WFDC11: variants seen among roughly 807,000 people sequenced by gnomAD.
WFDC11 encodes the protein WAP four-disulfide core domain 11.
In WFDC11, 9 loss-of-function variants were observed where a neutral mutation model predicts 9.9. That is an observed-to-expected ratio of 0.91 (90% CI 0.55 to 1.58). The LOEUF (loss-of-function observed/expected upper bound fraction) is 1.58, where lower values mean the gene tolerates loss of function less well. WFDC11 is among the 40% of genes most tolerant of loss of function. The probability of loss-of-function intolerance (pLI) is 0.00; values close to 1 mark genes in which losing one functional copy is unlikely to be tolerated. For missense variants in WFDC11, 106 were observed against 101.7 expected (o/e 1.04, Z -0.18); for synonymous variants, 32 against 33.3 (o/e 0.96, Z 0.13).
At chr20:45,654,784 TC>T (rs1238892206) in intron 2 of WFDC11, among the ~76,000 whole-genome samples, 2 of 152,036 alleles carry the variant, frequency 1.3e-5, no homozygotes, top group Non-Finnish European at 2.9e-5. Flanking sequence ...CAAACTACCA[TC>T]AGAGAATACT....
Position 45,654,100 on chromosome 20 carries a change from C to G in WFDC11, c.-51-3449G>C, listed in dbSNP as rs189255485. Among the ~76,000 whole-genome samples the G allele has an allele frequency of 9.5e-3, 1,441 of 152,308 alleles. 12 individuals carry two copies. Among genetic ancestry groups the G allele is most frequent in the Non-Finnish European group, 0.014 (979 of 68,030 alleles). On this transcript the variant is annotated intron_variant, in intron 2 of 4. Transcript: ENST00000324384. ...GAGGACCTAATAGACATCTACAGAA[C>G]TCTCCACCCCAAATCAACAGAATAT...
intron 1 of WFDC11, among the ~76,000 whole-genome samples, chr20:45,669,255 G>T (rs16990515): frequency 0.014 from 2,128 of 152,060 alleles, 90 homozygotes; most frequent in Admixed American, 0.099. Flanking sequence ...CATGACCTTG[G>T]GTAACTCATT....
chr20:45,652,248 G>A (rs1255656423), intron 2 of WFDC11, among the ~76,000 whole-genome samples: 8 of 152,186 alleles, frequency 5.3e-5, no homozygotes, highest in East Asian at 1.9e-4. Context: ...CCAGAGGAAC[G>A]ATCAGGCAGC....
intron 4 of WFDC11, 121 bp downstream of exon 4, chr20:45,649,136 T>A: frequency 8.2e-7 from 1 of 1,213,666 alleles, no homozygotes; most frequent in East Asian, 2.3e-5. Context: ...GGACATTGTC[T>A]TCTGTTATTT....
chr20:45,667,939 C>T (rs1484241012), intron 1 of WFDC11, among the ~76,000 whole-genome samples: 1 of 152,212 alleles, frequency 6.6e-6, no homozygotes, highest in Non-Finnish European at 1.5e-5. Context: ...AAATATTTAA[C>T]ATGTATTAAC....
At chr20:45,655,084 A>G (rs1982896094) in intron 2 of WFDC11, among the ~76,000 whole-genome samples, 1 of 152,208 alleles carries the variant, frequency 6.6e-6, no homozygotes, top group African/African-American at 2.4e-5. Flanking sequence ...CCATTTTATG[A>G]GGCCAGCATC....
At position 45,666,235 on chromosome 20, in the gene WFDC11, C is replaced by T. The variant is rs144534693; in HGVS notation, c.-52+853G>A. Among the ~76,000 whole-genome samples the T allele has an allele frequency of 1.3e-3, 201 of 152,298 alleles. 1 individual carries two copies. Among genetic ancestry groups the T allele is most frequent in the African/African-American group, 4.7e-3 (197 of 41,568 alleles). The stretch of plus-strand genomic sequence containing the variant: ...GGTGTGGGACCCGCCAAGCCAGGCC[C>T]GGGAGAGAATCTCTTTGTCTGCCAG... On this transcript the variant is annotated intron_variant, in intron 2 of 4. Transcript: ENST00000324384.
intron 2 of WFDC11, among the ~76,000 whole-genome samples, chr20:45,663,791 A>G (rs1225908394): frequency 6.6e-6 from 1 of 152,174 alleles, no homozygotes. Flanking sequence ...GGTCTGAGAG[A>G]CAGTTTGTTG....
intron 2 of WFDC11, among the ~76,000 whole-genome samples, chr20:45,659,114 G>C (rs529419647): frequency 2.0e-5 from 3 of 152,196 alleles, no homozygotes; most frequent in Non-Finnish European, 4.4e-5. Flanking sequence ...GTCTATCATT[G>C]ATGGACATTT....
In WFDC11 at chr20:45,659,277, G is replaced by C. The variant is rs536771814; in HGVS notation, c.-52+7811C>G. Among the ~76,000 whole-genome samples, 15 of 152,296 alleles carry C rather than the reference G, an allele frequency of 9.8e-5. No homozygotes were observed. The Middle Eastern group carries it at 0.01, about 104-fold the overall frequency. On this transcript the variant is annotated intron_variant, in intron 2 of 4. Coordinates refer to ENST00000324384, the MANE Select transcript of WFDC11 (RefSeq NM_147197.2). ...GATATTTCTAGTTCTAGATCCTTGAGGAATCACCACACTGTCTTCCACAAG... is the reference window on the plus strand; with the variant it reads ...GATATTTCTAGTTCTAGATCCTTGACGAATCACCACACTGTCTTCCACAAG...
At chr20:45,665,582 G>C (rs1428622388) in intron 2 of WFDC11, among the ~76,000 whole-genome samples, 1 of 152,198 alleles carries the variant, frequency 6.6e-6, no homozygotes, top group Non-Finnish European at 1.5e-5. Flanking sequence ...TGATGTTGGT[G>C]ACCTACAGAT....
At chr20:45,656,223 T>TA (rs141256331) in intron 2 of WFDC11, among the ~76,000 whole-genome samples, 8,012 of 150,860 alleles carry the variant, frequency 0.053, 190 homozygotes, top group Middle Eastern at 0.093. Flanking sequence ...ATAGTACTGG[T>TA]AAAAAAAAAC....
At chr20:45,652,402 G>C (rs909453549) in intron 2 of WFDC11, among the ~76,000 whole-genome samples, 1 of 151,988 alleles carries the variant, frequency 6.6e-6, no homozygotes, top group African/African-American at 2.4e-5. Context: ...CTAACAAACA[G>C]AAAGGACATC....
chr20:45,648,643 C>A lies in WFDC11; in HGVS notation c.*76G>T. 1 of 1,491,114 alleles carries A rather than the reference C, an allele frequency of 6.7e-7. No individual in the cohort carries two copies. Among genetic ancestry groups the A allele is most frequent in the Non-Finnish European group, 9.3e-7 (1 of 1,074,962 alleles). The allele number at this position is 1,491,114 out of a possible 1,614,324, so 92.4% of individuals were successfully genotyped here. On this transcript the variant is annotated 3_prime_UTR_variant, in exon 5 of 5. Coordinates refer to ENST00000324384, the MANE Select transcript of WFDC11 (RefSeq NM_147197.2). ...AATAGACTGGTGTTCCTAAAAGTAGCCACAGGGTACTACTATGAGACCTCT... is the reference window on the plus strand; with the variant it reads ...AATAGACTGGTGTTCCTAAAAGTAGACACAGGGTACTACTATGAGACCTCT...
chr20:45,662,124 G>A (rs1402803495), intron 2 of WFDC11, among the ~76,000 whole-genome samples: 1 of 152,054 alleles, frequency 6.6e-6, no homozygotes, highest in Non-Finnish European at 1.5e-5. Context: ...TCCTTGAAGA[G>A]GTCCTTCACG....
At position 45,652,723 on chromosome 20, in the gene WFDC11, A is replaced by G. The variant is rs9753746; in HGVS notation, c.-51-2072T>C. ...TGGCCAACTAGAATAACCAATGCAGAGAAGTCCTTAAAGGAATTCTGATGG... is the reference window on the plus strand; with the variant it reads ...TGGCCAACTAGAATAACCAATGCAGGGAAGTCCTTAAAGGAATTCTGATGG... On this transcript the variant is annotated intron_variant, in intron 2 of 4. Transcript: ENST00000324384. 6.6e-3 allele frequency among the ~76,000 whole-genome samples: 1,010 copies of G among 152,342 alleles called. 14 individuals carry two copies. The highest frequency in any genetic ancestry group is 0.047 in the East Asian group (241 of 5,182).
intron 2 of WFDC11, among the ~76,000 whole-genome samples, chr20:45,661,468 C>T (rs138896027): frequency 0.044 from 6,641 of 151,762 alleles, 287 homozygotes; most frequent in East Asian, 0.22. Context: ...TTGCTTTTGG[C>T]GTTTTAGACA....
In WFDC11 at chr20:45,648,728, T is replaced by A. The variant is rs933981635; in HGVS notation, c.255A>T (p.Gly85=). 2.5e-6 allele frequency: 4 copies of A among 1,614,046 alleles called. No individual in the cohort carries two copies. In the African/African-American group the frequency reaches 5.3e-5, roughly 22 times the overall value. Residue 85 remains glycine (G), a synonymous_variant, in exon 5 of 5, where the codon GGA becomes GGT. Coordinates refer to ENST00000324384, the MANE Select transcript of WFDC11 (RefSeq NM_147197.2). ...GTGGGAAGCTACGGTTTTAGTAATC[T>A]CCACTGGTTTCCTGTAAAACAAAAA... ...NICWINVETS[G]DY is the part of the protein sequence containing the mutation.
At chr20:45,662,278 A>C (rs562663204) in intron 2 of WFDC11, among the ~76,000 whole-genome samples, 1 of 152,096 alleles carries the variant, frequency 6.6e-6, no homozygotes, top group Non-Finnish European at 1.5e-5. Flanking sequence ...TGTATCCTGA[A>C]ACTTTGCTGA....
Sources: gnomAD v4.1 joint callset for allele counts (sites outside exome capture counted in the v4.1 genomes callset) on GRCh38, gnomAD v4.1.1 for gene constraint, MANE v1.5 for transcripts, NCBI Gene and HGNC (gene_info 2026-07-23, HGNC 2026-07-21) for gene names.